Variants in ASF1B observed in about 807,000 individuals in gnomAD.
The protein encoded by ASF1B is histone chaperone ASF1B.
A neutral mutation model predicts 16.6 loss-of-function variants in ASF1B; 10 were observed. The ratio of observed to expected loss-of-function variants is 0.60; its 90% CI spans 0.37 to 1.02. The LOEUF is 1.02. Among genes scored for constraint, ASF1B ranks in the 50% least tolerant of loss-of-function variants. The pLI is 0.01. For synonymous variants in ASF1B, 101 were observed against 106.2 expected (o/e 0.95, Z 0.30); for missense variants, 240 against 266.0 (o/e 0.90, Z 0.68).
rs1478980222 is a variant in ASF1B, at chr19:14,120,545, G to C, written c.523C>G (p.Pro175Ala). Residue 175 changes from proline to alanine, a missense_variant, in exon 4 of 4, where the codon CCA becomes GCA. Coordinates refer to ENST00000263382, the MANE Select transcript of ASF1B (RefSeq NM_018154.3). ...CCCTTGATAGGAGTGCAGTTGAGTGGGAGGCCGCAGCCCAGGGAGGGGTCC... is the reference window on the plus strand; with the variant it reads ...CCCTTGATAGGAGTGCAGTTGAGTGCGAGGCCGCAGCCCAGGGAGGGGTCC... ...TQDPSLGCGL[P>A]LNCTPIKGLG... 1.2e-6 allele frequency: 2 copies of C among 1,613,486 alleles called. No homozygotes were observed. Among genetic ancestry groups the C allele is most frequent in the Admixed American group, 1.7e-5 (1 of 59,920 alleles).
At chr19:14,133,709 T>C (rs1338992204) in intron 1 of ASF1B, among the ~76,000 whole-genome samples, 1 of 151,556 alleles carries the variant, frequency 6.6e-6, no homozygotes, top group South Asian at 2.1e-4. Context: ...AATTTAGCCC[T>C]TCCGGCTCTA....
At chr19:14,121,483 A>T in intron 3 of ASF1B, 49 bp downstream of exon 3, 2 of 1,580,512 alleles carry the variant, frequency 1.3e-6, no homozygotes, top group South Asian at 1.2e-5. Context: ...ACTCCCCCCA[A>T]GTATAAAGAA....
intron 1 of ASF1B, among the ~76,000 whole-genome samples, chr19:14,132,611 G>C (rs1687387557): frequency 6.6e-6 from 1 of 152,098 alleles, no homozygotes; most frequent in Non-Finnish European, 1.5e-5. Flanking sequence ...CTTGCGATCA[G>C]GTTTGAGACC....
chr19:14,130,716 C>T (rs905098500), intron 1 of ASF1B, among the ~76,000 whole-genome samples: 1 of 151,442 alleles, frequency 6.6e-6, no homozygotes. Flanking sequence ...AACTGTGTCC[C>T]ATGTTATCTC....
intron 1 of ASF1B, among the ~76,000 whole-genome samples, chr19:14,129,397 T>C (rs1221301399): frequency 6.6e-6 from 1 of 151,840 alleles, no homozygotes; most frequent in Non-Finnish European, 1.5e-5. Context: ...CAGAAGCTGG[T>C]TGGGCACGGC....
chr19:14,130,810 T>TATAA (rs74181858), intron 1 of ASF1B, among the ~76,000 whole-genome samples: 79 of 150,410 alleles, frequency 5.3e-4, no homozygotes, highest in African/African-American at 1.8e-3. Flanking sequence ...TATATATATA[T>TATAA]AAATGATAAG....
chr19:14,127,939 C>T (rs985025488), intron 1 of ASF1B, among the ~76,000 whole-genome samples: 11 of 152,220 alleles, frequency 7.2e-5, no homozygotes, highest in Middle Eastern at 3.4e-3. Context: ...TGCCCAGCCT[C>T]AAACCCTAAC....
At chr19:14,130,043 G>A (rs377513990) in intron 1 of ASF1B, among the ~76,000 whole-genome samples, 1 of 151,604 alleles carries the variant, frequency 6.6e-6, no homozygotes, top group Admixed American at 6.6e-5. Flanking sequence ...GTGGTGGTGT[G>A]CACCTGTAAT....
At chr19:14,125,513 T>A (rs930426670) in intron 2 of ASF1B, among the ~76,000 whole-genome samples, 4 of 152,336 alleles carry the variant, frequency 2.6e-5, no homozygotes, top group Admixed American at 2.0e-4. Flanking sequence ...GGTCAGATAG[T>A]TCCTGACAGT....
At position 14,126,100 on chromosome 19, in the gene ASF1B, C is replaced by T. The variant is rs1967313298; in HGVS notation, c.225+22G>A. 8 of 1,540,262 alleles carry T rather than the reference C, an allele frequency of 5.2e-6. No individual in the cohort carries two copies. The Admixed American group carries it at 1.5e-4, about 29-fold the overall frequency. ...TGTTTCTAGGAATCAAGGGCTAAGG[C>T]CTAAGGCCTCATCTTTCTTACCTGA... On this transcript the variant is annotated intron_variant, in intron 2 of 3. Transcript: ENST00000263382.
intron 1 of ASF1B, among the ~76,000 whole-genome samples, chr19:14,127,446 C>G (rs888187537): frequency 3.9e-5 from 6 of 152,130 alleles, no homozygotes; most frequent in Non-Finnish European, 7.3e-5. Flanking sequence ...TGCCACTCAA[C>G]GAAGTGGATC....
intron 2 of ASF1B, among the ~76,000 whole-genome samples, chr19:14,124,336 T>C (rs920065069): frequency 6.6e-6 from 1 of 151,578 alleles, no homozygotes; most frequent in Non-Finnish European, 1.5e-5. Flanking sequence ...CTATTTTTTG[T>C]AGAGATGGGG....
At chr19:14,130,938 C>A (rs892420915) in intron 1 of ASF1B, among the ~76,000 whole-genome samples, 14 of 152,098 alleles carry the variant, frequency 9.2e-5, no homozygotes, top group African/African-American at 3.4e-4. Context: ...AGTGCAATGG[C>A]GCAATCTGGG....
At chr19:14,133,552 C>T (rs1220698091) in intron 1 of ASF1B, among the ~76,000 whole-genome samples, 1 of 151,884 alleles carries the variant, frequency 6.6e-6, no homozygotes, top group Non-Finnish European at 1.5e-5. Flanking sequence ...CCTGTAATCC[C>T]AGCTGCTCGG....
chr19:14,120,665 G>C lies in ASF1B; in HGVS notation c.403C>G (p.Leu135Val), dbSNP rs1310429929. Reference sequence around the variant, plus strand: ...TTCGAGGCCAAGATGTTCCGCTGGAGCTGGGGCAGGAAGAGGAACGTCAAC... The same window carrying C: ...TTCGAGGCCAAGATGTTCCGCTGGACCTGGGGCAGGAAGAGGAACGTCAAC... The part of the protein sequence containing the change: ...NPPMKPDFSQ[L>V]QRNILASNPR... Residue 135 changes from leucine to valine, a missense_variant and splice_region_variant, in exon 4 of 4, where the codon CTC (leucine) becomes GTC (valine). Physicochemically the swap from Leu to Val is conservative, Grantham distance 32 (BLOSUM62 1). Transcript: ENST00000263382. 3 of 1,614,098 alleles carry C rather than the reference G, an allele frequency of 1.9e-6. No homozygotes were observed. The highest frequency in any genetic ancestry group is 2.5e-6 in the Non-Finnish European group (3 of 1,179,994).
chr19:14,134,321 A>T (rs909856544), intron 1 of ASF1B, among the ~76,000 whole-genome samples: 3 of 152,094 alleles, frequency 2.0e-5, no homozygotes, highest in South Asian at 2.1e-4. Flanking sequence ...ATAGTTAGCC[A>T]CAAGTAGACT....
Position 14,136,541 on chromosome 19 carries a change from A to C in ASF1B, c.-85T>G. ...CTGGGTCCGGTGGGGTCAGTGGGGT[A>C]GGGCTGACCAGGTCCACTCCCGCCT... On this transcript the variant is annotated 5_prime_UTR_variant, in exon 1 of 4. Coordinates refer to ENST00000263382, the MANE Select transcript of ASF1B (RefSeq NM_018154.3). The C allele has an allele frequency of 9.2e-7, 1 of 1,086,756 alleles. No homozygotes were observed. The highest frequency in any genetic ancestry group is 1.3e-6 in the Non-Finnish European group (1 of 749,124). 67.3% of individuals were successfully genotyped at this position (1,086,756 alleles called of 1,614,324 possible). A position where few individuals can be genotyped will look rare whatever the true frequency, so the allele number is the denominator to read the frequency against.
intron 1 of ASF1B, 49 bp downstream of exon 1, chr19:14,136,299 G>C: frequency 1.3e-6 from 2 of 1,549,068 alleles, no homozygotes; most frequent in Non-Finnish European, 1.8e-6. Flanking sequence ...TCTGAGGGGA[G>C]GCCGGGGTCG....
At chr19:14,133,053 G>A (rs980989626) in intron 1 of ASF1B, among the ~76,000 whole-genome samples, 1 of 151,756 alleles carries the variant, frequency 6.6e-6, no homozygotes, top group African/African-American at 2.4e-5. Context: ...CCGGGAGGCG[G>A]AGCTTGCAAT....
Sources: gnomAD v4.1 joint callset for allele counts (sites outside exome capture counted in the v4.1 genomes callset) on GRCh38, gnomAD v4.1.1 for gene constraint, MANE v1.5 for transcripts, NCBI Gene and HGNC (gene_info 2026-07-23, HGNC 2026-07-21) for gene names.